The following TDRD12 variants were observed in gnomAD, a reference collection of about 807,000 sequenced individuals.
The protein encoded by TDRD12 is putative ATP-dependent RNA helicase TDRD12.
In TDRD12, 158 loss-of-function variants were observed where a neutral mutation model predicts 133.5. That is an observed-to-expected ratio of 1.18 (90% CI 1.04 to 1.35). The LOEUF is 1.35. Among genes scored for constraint, TDRD12 ranks in the 40% most tolerant of loss-of-function variants. The pLI, the probability that TDRD12 is intolerant of heterozygous loss-of-function variation, is 0.00. For synonymous variants in TDRD12, 460 were observed against 477.9 expected (o/e 0.96, Z 0.49); for missense variants, 1,443 against 1,321.3 (o/e 1.09, Z -1.43).
intron 2 of TDRD12, among the ~76,000 whole-genome samples, chr19:32,738,061 C>T (rs953006517): frequency 6.6e-6 from 1 of 151,774 alleles, no homozygotes; most frequent in East Asian, 1.9e-4. Flanking sequence ...CGCTTGAGCC[C>T]GGGAGGTGGA....
Position 32,801,892 on chromosome 19 carries a change from A to C in TDRD12, c.2197+19A>C. On this transcript the variant is annotated intron_variant, in intron 19 of 27. Coordinates refer to ENST00000444215, the Ensembl canonical transcript of TDRD12. ...ATATTAGGTAAGTGTTTTAATTTCT[A>C]CTTCTATTTAGTGAAGGTTGAGCTA... The C allele has an allele frequency of 1.0e-6, 1 of 973,388 alleles. No homozygotes were observed. The highest frequency in any genetic ancestry group is 1.5e-6 in the Non-Finnish European group (1 of 675,638). 60.3% of individuals were successfully genotyped at this position (973,388 alleles called of 1,614,324 possible). A position where few individuals can be genotyped will look rare whatever the true frequency, so the allele number is the denominator to read the frequency against.
At chr19:32,748,477 C>A in exon 5 of TDRD12, 1 of 1,551,618 alleles carries the variant, frequency 6.4e-7, no homozygotes, top group Non-Finnish European at 8.7e-7. Context: ...CTGTTCCAGA[C>A]CTGCCAAGAA....
chr19:32,783,094 T>C (rs1421725516), intron 11 of TDRD12, among the ~76,000 whole-genome samples: 1 of 152,240 alleles, frequency 6.6e-6, no homozygotes, highest in Non-Finnish European at 1.5e-5. Flanking sequence ...TTTATGGTCC[T>C]AGGTCTTGTG....
intron 1 of TDRD12, among the ~76,000 whole-genome samples, chr19:32,729,047 T>C (rs1282380031): frequency 2.0e-5 from 3 of 150,018 alleles, no homozygotes; most frequent in East Asian, 2.0e-4. Context: ...TATATACATA[T>C]AGAGTTTCCA....
chr19:32,746,137 G>A (rs1457929526), intron 4 of TDRD12, among the ~76,000 whole-genome samples: 4 of 139,094 alleles, frequency 2.9e-5, no homozygotes, highest in Admixed American at 2.2e-4. Context: ...TGAGAGAGAC[G>A]GGGAGAGAGA....
intron 26 of TDRD12, among the ~76,000 whole-genome samples, chr19:32,817,795 G>C (rs544408416): frequency 6.7e-6 from 1 of 150,374 alleles, no homozygotes; most frequent in Non-Finnish European, 1.5e-5. Flanking sequence ...GTCTCTTCAG[G>C]GCTCTTCCGG....
chr19:32,744,806 G>A (rs1039092265), intron 4 of TDRD12, among the ~76,000 whole-genome samples: 1 of 152,006 alleles, frequency 6.6e-6, no homozygotes, highest in African/African-American at 2.4e-5. Context: ...CTCCCTTCCC[G>A]GGACGATGGC....
chr19:32,767,453 A>G lies in TDRD12; in HGVS notation c.866-5300A>G, dbSNP rs970275505. On this transcript the variant is annotated intron_variant, in intron 8 of 27. Transcript: ENST00000444215. The stretch of plus-strand genomic sequence containing the variant: ...CTGTTGTCATGCATTTTAATTCTAC[A>G]TATATTAGAAACCCCACAATAATTC... Among the ~76,000 whole-genome samples, 6 of 152,286 alleles carry G rather than the reference A, an allele frequency of 3.9e-5. No individual in the cohort carries two copies. In the East Asian group the frequency reaches 7.7e-4, roughly 20 times the overall value.
chr19:32,807,267 T>TTA (rs1971577843), intron 21 of TDRD12, among the ~76,000 whole-genome samples: 2 of 47,208 alleles, frequency 4.2e-5, no homozygotes, highest in African/African-American at 1.3e-4. Flanking sequence ...ACCAAACTCT[T>TTA]AAAAAAAAAA....
chr19:32,756,883 C>T (rs2145549629), intron 7 of TDRD12, among the ~76,000 whole-genome samples, 155 bp from the exon 8 acceptor site: 1 of 152,304 alleles, frequency 6.6e-6, no homozygotes, highest in Non-Finnish European at 1.5e-5. Flanking sequence ...TTTCTGTCCA[C>T]ATCCAGTTTT....
intron 23 of TDRD12, 142 bp from the exon 24 acceptor site, chr19:32,811,068 G>T: frequency 1.6e-6 from 1 of 621,508 alleles, no homozygotes; most frequent in African/African-American, 1.8e-5. Context: ...ATTTTTGAAG[G>T]CCTTAGTTTT....
intron 11 of TDRD12, among the ~76,000 whole-genome samples, chr19:32,778,837 A>T (rs758870801): frequency 1.3e-5 from 2 of 152,162 alleles, no homozygotes; most frequent in Non-Finnish European, 2.9e-5. Flanking sequence ...TTTTCGTATT[A>T]AAAAGTTCTG....
At chr19:32,738,953 T>G in exon 3 of TDRD12, 3 of 1,550,940 alleles carry the variant, frequency 1.9e-6, no homozygotes, top group Non-Finnish European at 2.6e-6. Flanking sequence ...GAATGTTTCC[T>G]TGTGGACTTT....
chr19:32,728,443 G>A lies in TDRD12; in HGVS notation c.25-3282G>A, dbSNP rs560688514. 4.6e-5 allele frequency among the ~76,000 whole-genome samples: 7 copies of A among 152,000 alleles called. No individual in the cohort carries two copies. In the South Asian group the frequency reaches 8.3e-4, roughly 18 times the overall value. ...GTCTTCTTTAATTTCTTTCAGCAGC[G>A]TTTTATAATTTTCATTGTAGTTCTA... On this transcript the variant is annotated intron_variant, in intron 1 of 27. Coordinates refer to ENST00000444215, the Ensembl canonical transcript of TDRD12.
intron 1 of TDRD12, among the ~76,000 whole-genome samples, chr19:32,729,254 G>C (rs1367976379): frequency 8.5e-6 from 1 of 117,980 alleles, no homozygotes; most frequent in Non-Finnish European, 1.6e-5. Context: ...GTCTTGCTCT[G>C]TCGCCCAGGC....
chr19:32,798,375 C>T (rs1968016223), exon 16 of TDRD12: 1 of 1,535,936 alleles, frequency 6.5e-7, no homozygotes, highest in Non-Finnish European at 8.7e-7. Context: ...TGCTGTTCCT[C>T]AGGCTCTGCC....
intron 1 of TDRD12, among the ~76,000 whole-genome samples, chr19:32,720,563 C>T (rs1241619767): frequency 1.1e-4 from 4 of 37,538 alleles, no homozygotes; most frequent in African/African-American, 5.7e-4. Context: ...ACTCCCAACC[C>T]CACACACCCC....
At chr19:32,815,933 G>T (rs1249031430) in intron 26 of TDRD12, among the ~76,000 whole-genome samples, 1 of 152,002 alleles carries the variant, frequency 6.6e-6, no homozygotes, top group East Asian at 1.9e-4. Flanking sequence ...GGCAGAGGTT[G>T]CAGCGAGCCA....
chr19:32,729,278 C>T lies in TDRD12; in HGVS notation c.25-2447C>T, dbSNP rs527321656. The stretch of plus-strand genomic sequence containing the variant: ...TGTCGCCCAGGCTGGAGTGCAGTGG[C>T]GCAATCTCGGCTCACTGCAAGCTCC... On this transcript the variant is annotated intron_variant, in intron 1 of 27. Transcript: ENST00000444215. Among the ~76,000 whole-genome samples the T allele has an allele frequency of 3.0e-4, 42 of 140,764 alleles. 1 individual carries two copies. Among genetic ancestry groups the T allele is most frequent in the East Asian group, 8.4e-4 (4 of 4,738 alleles). The allele number at this position is 140,764 out of a possible 152,430, so 92.3% of individuals were successfully genotyped here.
Sources: gnomAD v4.1 joint callset for allele counts (sites outside exome capture counted in the v4.1 genomes callset) on GRCh38, gnomAD v4.1.1 for gene constraint, MANE v1.5 for transcripts, NCBI Gene and HGNC (gene_info 2026-07-23, HGNC 2026-07-21) for gene names.